Variants in GRIN2A observed in about 807,000 individuals in gnomAD.
GRIN2A encodes the protein glutamate receptor ionotropic, NMDA 2A.
A neutral mutation model predicts 113.4 loss-of-function variants in GRIN2A; 22 were observed. The observed-to-expected ratio is 0.19, with a 90% CI of 0.14 to 0.28. The LOEUF (loss-of-function observed/expected upper bound fraction) is 0.28, where lower values mean the gene tolerates loss of function less well. Among genes scored for constraint, GRIN2A ranks in the 10% least tolerant of loss-of-function variants. GRIN2A has a pLI of 1.00. For missense variants in GRIN2A, 1,502 were observed against 1,887.0 expected, an observed-to-expected ratio of 0.80 and a Z score of 3.78; for synonymous variants, 827 against 738.4, an observed-to-expected ratio of 1.12 and a Z score of -1.94.
chr16:9,931,039 GCCAAATAACTTCC>G (rs1405227323), intron 3 of GRIN2A, among the ~76,000 whole-genome samples: 1 of 152,068 alleles, frequency 6.6e-6, no homozygotes, highest in African/African-American at 2.4e-5. Flanking sequence ...ATCAATGAAG[GCCAAATAACTTCC>G]CTTCAATACT....
chr16:9,967,854 A>G (rs34361031), intron 2 of GRIN2A, among the ~76,000 whole-genome samples: 31,885 of 152,108 alleles, frequency 0.21, 3,506 homozygotes, highest in Non-Finnish European at 0.23. Context: ...TTATCCCTGT[A>G]ACCAAAAGCA....
chr16:10,018,829 C>A (rs558092828), intron 2 of GRIN2A, among the ~76,000 whole-genome samples: 1 of 152,126 alleles, frequency 6.6e-6, no homozygotes, highest in Non-Finnish European at 1.5e-5. Context: ...TTGCAGACAC[C>A]TTGGAAATCC....
intron 2 of GRIN2A, among the ~76,000 whole-genome samples, chr16:10,155,422 A>G (rs1280325195): frequency 6.6e-6 from 1 of 152,222 alleles, no homozygotes; most frequent in Admixed American, 6.5e-5. Flanking sequence ...TGTGTCCCTC[A>G]GCAAGTCCCT....
intron 1 of GRIN2A, among the ~76,000 whole-genome samples, chr16:10,181,275 G>A (rs1439097824): frequency 1.3e-5 from 2 of 149,900 alleles, no homozygotes; most frequent in African/African-American, 2.5e-5. Flanking sequence ...GCTGAATTCT[G>A]GAGAGTAGGC....
At chr16:9,984,727 T>C (rs541685405) in intron 2 of GRIN2A, among the ~76,000 whole-genome samples, 33 of 152,338 alleles carry the variant, frequency 2.2e-4, no homozygotes, top group African/African-American at 7.2e-4. Context: ...ACACGCAGTT[T>C]CTAACACCAC....
rs138309218 is a variant in GRIN2A, at chr16:9,975,925, T to C, written c.415-37374A>G. Among the ~76,000 whole-genome samples, 521 of 152,288 alleles carry C rather than the reference T, an allele frequency of 3.4e-3. 5 individuals carry two copies. The highest frequency in any genetic ancestry group is 0.012 in the African/African-American group (488 of 41,556). On this transcript the variant is annotated intron_variant, in intron 2 of 12. Transcript: ENST00000330684. ...ACAGTATTCCCGGAGGGGCATTTCA[T>C]AATGAGAAAAGGGTCAATTCATCAG...
intron 2 of GRIN2A, among the ~76,000 whole-genome samples, chr16:9,983,894 C>T (rs1050368033): frequency 1.3e-5 from 2 of 152,328 alleles, no homozygotes; most frequent in Non-Finnish European, 2.9e-5. Context: ...CTTCAACATA[C>T]TGATTTCCTT....
At chr16:9,856,630 A>C in intron 4 of GRIN2A, among the ~76,000 whole-genome samples, 1 of 151,768 alleles carries the variant, frequency 6.6e-6, no homozygotes, top group East Asian at 1.9e-4. Flanking sequence ...ATCTCAAAAA[A>C]AAAAAAAAAA....
intron 11 of GRIN2A, among the ~76,000 whole-genome samples, chr16:9,793,327 C>T (rs1032681984): frequency 6.6e-6 from 1 of 152,048 alleles, no homozygotes; most frequent in African/African-American, 2.4e-5. Flanking sequence ...TTTGTTCTGG[C>T]CCCCAGATAT....
rs896627511 is a variant in GRIN2A at position 9,759,441 on chromosome 16, G to A, written c.*3708C>T. ...CAATGTGTGACTATATGACAGCTGT[G>A]GATCTTTTGACTAATTAACTGCCTT... On this transcript the variant is annotated 3_prime_UTR_variant, in exon 13 of 13. Coordinates refer to ENST00000330684, the MANE Select transcript of GRIN2A (RefSeq NM_001134407.3). The A allele has an allele frequency of 4.9e-5, 11 of 225,336 alleles. No individual in the cohort carries two copies. The highest frequency in any genetic ancestry group is 2.2e-4 in the African/African-American group (10 of 44,894). 14.0% of individuals were successfully genotyped at this position (225,336 alleles called of 1,614,324 possible).
Position 10,180,488 on chromosome 16 carries a change from A to T in GRIN2A, c.-18-59T>A. The T allele has an allele frequency of 6.5e-7, 1 of 1,547,802 alleles. No individual in the cohort carries two copies. The highest frequency in any genetic ancestry group is 8.7e-7 in the Non-Finnish European group (1 of 1,152,984). On this transcript the variant is annotated intron_variant, in intron 1 of 12. Transcript: ENST00000330684. This position sits in a 1 kb window ranked among gnomAD's most constrained non-coding sequence, Gnocchi z 7.0. ...TGAGCAAGGCGACCAGAAGAAAGGG[A>T]TTACCAACTTGGCTTCCTGCTCTAG... is the stretch of plus-strand genomic sequence containing the variant.
At chr16:10,038,395 T>C (rs12445892) in intron 2 of GRIN2A, among the ~76,000 whole-genome samples, 32,773 of 151,956 alleles carry the variant, frequency 0.22, 4,228 homozygotes, top group East Asian at 0.52. Context: ...CTGTGTTTCT[T>C]AACCCCAGCA....
intron 10 of GRIN2A, among the ~76,000 whole-genome samples, chr16:9,809,747 A>G (rs1026229520): frequency 6.6e-6 from 1 of 152,112 alleles, no homozygotes; most frequent in African/African-American, 2.4e-5. Context: ...TGAAGATTAA[A>G]CTAAGAGTTA....
chr16:9,967,444 G>A (rs1043105919), intron 2 of GRIN2A, among the ~76,000 whole-genome samples: 1 of 152,170 alleles, frequency 6.6e-6, no homozygotes, highest in African/African-American at 2.4e-5. Flanking sequence ...AGTGACTCAC[G>A]CCTGTAATCC....
intron 2 of GRIN2A, among the ~76,000 whole-genome samples, chr16:9,968,264 G>T (rs540354550): frequency 1.8e-5 from 1 of 56,256 alleles, no homozygotes; most frequent in Admixed American, 1.4e-4. Flanking sequence ...CTATTGACTT[G>T]TATGTATGTA....
chr16:10,156,079 C>T (rs1328311177), intron 2 of GRIN2A, among the ~76,000 whole-genome samples: 3 of 152,180 alleles, frequency 2.0e-5, no homozygotes, highest in African/African-American at 7.2e-5. Context: ...AGCCCAGGGT[C>T]CAGGAAAACT....
At chr16:9,772,216 C>G (rs1901315368) in intron 11 of GRIN2A, among the ~76,000 whole-genome samples, 1 of 152,182 alleles carries the variant, frequency 6.6e-6, no homozygotes, top group Admixed American at 6.5e-5. Flanking sequence ...GAAATAATAT[C>G]TCACTGTCCA....
At chr16:9,795,963 G>A (rs968492493) in intron 11 of GRIN2A, among the ~76,000 whole-genome samples, 1 of 152,166 alleles carries the variant, frequency 6.6e-6, no homozygotes, top group Non-Finnish European at 1.5e-5. Context: ...TGAAGTAGAA[G>A]CTTTGCCACT....
chr16:10,072,928 A>C (rs2047786067), intron 2 of GRIN2A, among the ~76,000 whole-genome samples: 1 of 148,218 alleles, frequency 6.7e-6, no homozygotes, highest in Non-Finnish European at 1.5e-5. Flanking sequence ...AGATGAGGAA[A>C]CTCAGTGACA....
Sources: allele counts gnomAD v4.1 joint callset (sites outside exome capture counted in the v4.1 genomes callset), GRCh38; gene constraint gnomAD v4.1.1; non-coding constraint Gnocchi (gnomAD v3.1); transcripts MANE v1.5; gene names NCBI Gene and HGNC (gene_info 2026-07-23, HGNC 2026-07-21).